Variants in ANKS1B observed in about 807,000 individuals in gnomAD.
The protein encoded by ANKS1B is ankyrin repeat and sterile alpha motif domain-containing protein 1B.
A neutral mutation model predicts 148.3 loss-of-function variants in ANKS1B; 36 were observed. The ratio of observed to expected loss-of-function variants is 0.24; its 90% CI spans 0.19 to 0.32. The LOEUF (loss-of-function observed/expected upper bound fraction) is 0.32. Ranked by LOEUF, ANKS1B falls within the 10% of genes least tolerant of loss-of-function variation. The pLI, the probability that ANKS1B is intolerant of heterozygous loss-of-function variation, is 1.00. For missense variants in ANKS1B, 1,157 were observed against 1,542.6 expected, an observed-to-expected ratio of 0.75 and a Z score of 4.19; for synonymous variants, 542 against 560.8, an observed-to-expected ratio of 0.97 and a Z score of 0.47.
At chr12:98,933,771 C>T (rs1225956103) in intron 17 of ANKS1B, among the ~76,000 whole-genome samples, 1 of 151,966 alleles carries the variant, frequency 6.6e-6, no homozygotes, top group East Asian at 1.9e-4. Flanking sequence ...TTCTCATATA[C>T]CTGTTGTCAT....
chr12:98,939,692 C>T (rs1241996403), intron 17 of ANKS1B, among the ~76,000 whole-genome samples: 2 of 152,162 alleles, frequency 1.3e-5, no homozygotes, highest in Non-Finnish European at 2.9e-5. Context: ...AAGCTTTGCA[C>T]ATTCTAATTC....
chr12:99,219,430 G>A (rs561722406), intron 14 of ANKS1B, among the ~76,000 whole-genome samples: 7 of 152,068 alleles, frequency 4.6e-5, no homozygotes, highest in East Asian at 3.9e-4. Flanking sequence ...GATAAGCACC[G>A]ACAAAGAAAC....
intron 9 of ANKS1B, among the ~76,000 whole-genome samples, chr12:99,636,097 A>G (rs1401767190): frequency 6.6e-6 from 1 of 152,272 alleles, no homozygotes; most frequent in Non-Finnish European, 1.5e-5. Flanking sequence ...ACAGGCTGGA[A>G]AAATACTTTT....
At chr12:99,971,606 CAAAA>C (rs200612388) in intron 1 of ANKS1B, among the ~76,000 whole-genome samples, 5,153 of 109,188 alleles carry the variant, frequency 0.047, 283 homozygotes, top group African/African-American at 0.15. Flanking sequence ...TAATTCAGGC[CAAAA>C]AAAAAAAAAA....
intron 14 of ANKS1B, among the ~76,000 whole-genome samples, chr12:99,238,305 C>T (rs1296236053): frequency 6.6e-6 from 1 of 152,202 alleles, no homozygotes; most frequent in Non-Finnish European, 1.5e-5. Flanking sequence ...GCTAGTGCAG[C>T]AGTCTGAGAT....
At chr12:99,912,811 A>G (rs986026967) in intron 1 of ANKS1B, among the ~76,000 whole-genome samples, 3 of 152,194 alleles carry the variant, frequency 2.0e-5, no homozygotes, top group African/African-American at 7.2e-5. Context: ...ATGAAATGTC[A>G]TATGGCACTA....
chr12:98,782,753 G>T (rs895481378), intron 22 of ANKS1B, among the ~76,000 whole-genome samples: 3 of 152,162 alleles, frequency 2.0e-5, no homozygotes, highest in Non-Finnish European at 4.4e-5. Context: ...TTGTATACAG[G>T]ATGTGAAAAA....
chr12:99,140,929 C>T (rs1042671944), intron 15 of ANKS1B, among the ~76,000 whole-genome samples: 2 of 152,076 alleles, frequency 1.3e-5, no homozygotes, highest in Non-Finnish European at 2.9e-5. Context: ...CACTAGAAAA[C>T]AGAAACCATC....
chr12:99,731,459 T>TGTGTGTGTGTGTGTGTGTGTG (rs1567736260), intron 8 of ANKS1B, among the ~76,000 whole-genome samples: 1 of 148,066 alleles, frequency 6.8e-6, no homozygotes, highest in Non-Finnish European at 1.5e-5. Context: ...TGTGTGTGTG[T>TGTGTGTGTGTGTGTGTGTGTG]TTTAATTATC....
intron 1 of ANKS1B, among the ~76,000 whole-genome samples, chr12:99,928,281 T>TTTA (rs1566017612): frequency 2.7e-5 from 4 of 146,948 alleles, no homozygotes; most frequent in African/African-American, 5.0e-5. Context: ...ATTTTTTTTT[T>TTTA]TTTTTTTTGA....
chr12:99,481,447 G>A (rs1013507996), intron 10 of ANKS1B, among the ~76,000 whole-genome samples: 3 of 151,922 alleles, frequency 2.0e-5, no homozygotes, highest in African/African-American at 7.2e-5. Flanking sequence ...ATTAGTTGAT[G>A]TGCACTTAGC....
intron 12 of ANKS1B, among the ~76,000 whole-genome samples, chr12:99,262,631 T>C (rs2076038109): frequency 6.6e-6 from 1 of 152,068 alleles, no homozygotes; most frequent in African/African-American, 2.4e-5. Flanking sequence ...TTATGGACAT[T>C]ATTTTCCCCC....
chr12:98,776,999 T>C (rs553304527), intron 24 of ANKS1B, among the ~76,000 whole-genome samples: 13 of 152,304 alleles, frequency 8.5e-5, no homozygotes, highest in African/African-American at 3.1e-4. Flanking sequence ...AAGACCAGCC[T>C]AGGCAATATA....
intron 17 of ANKS1B, among the ~76,000 whole-genome samples, chr12:99,032,905 T>C (rs1412864796): frequency 6.6e-6 from 1 of 152,214 alleles, no homozygotes; most frequent in Non-Finnish European, 1.5e-5. Context: ...TTATTTCTCA[T>C]GTTAAAGTAA....
At chr12:98,793,295 A>G (rs2098907174) in intron 22 of ANKS1B, among the ~76,000 whole-genome samples, 1 of 152,224 alleles carries the variant, frequency 6.6e-6, no homozygotes, top group Non-Finnish European at 1.5e-5. Context: ...TTCTTTTGAT[A>G]AATGTCTATT....
intron 8 of ANKS1B, among the ~76,000 whole-genome samples, chr12:99,701,807 G>T (rs2054875715): frequency 6.6e-6 from 1 of 151,970 alleles, no homozygotes; most frequent in Non-Finnish European, 1.5e-5. Flanking sequence ...GTCTTTCTGT[G>T]CCTGGCTTAT....
At chr12:99,911,523 G>A (rs1000253724) in intron 1 of ANKS1B, among the ~76,000 whole-genome samples, 5 of 152,064 alleles carry the variant, frequency 3.3e-5, no homozygotes, top group African/African-American at 9.7e-5. Flanking sequence ...ATGAGTTTAC[G>A]ACTATTATTA....
chr12:99,749,356 C>T (rs1321095870), intron 8 of ANKS1B, among the ~76,000 whole-genome samples: 3 of 151,960 alleles, frequency 2.0e-5, no homozygotes, highest in African/African-American at 4.8e-5. Flanking sequence ...TATCCCTTGC[C>T]ACCATATGGG....
At chr12:99,013,541 C>T (rs938064327) in intron 17 of ANKS1B, among the ~76,000 whole-genome samples, 4 of 152,058 alleles carry the variant, frequency 2.6e-5, no homozygotes, top group East Asian at 1.9e-4. Flanking sequence ...AGAAATAAAG[C>T]GCATCCAAAC....
Sources: gnomAD v4.1 joint callset for allele counts (sites outside exome capture counted in the v4.1 genomes callset) on GRCh38, gnomAD v4.1.1 for gene constraint, MANE v1.5 for transcripts, NCBI Gene and HGNC (gene_info 2026-07-23, HGNC 2026-07-21) for gene names.